The following NBPF6 variants were observed in gnomAD, a reference collection of about 807,000 sequenced individuals.
NBPF6 encodes NBPF family member NBPF6.
Under a neutral mutation model 20.8 loss-of-function variants are expected in NBPF6, and 2 were observed. That is an observed-to-expected ratio of 0.10 (90% CI 0.04 to 0.30). The LOEUF is 0.30. Among genes scored for constraint, NBPF6 ranks in the 10% least tolerant of loss-of-function variants. The pLI is 1.00. For synonymous variants in NBPF6, 24 were observed against 100.0 expected (o/e 0.24, Z 4.53); for missense variants, 85 against 260.3 (o/e 0.33, Z 4.63).
Position 108,465,320 on chromosome 1 carries a change from A to G in NBPF6, c.1556A>G (p.Asp519Gly), listed in dbSNP as rs1048822185. 8.7e-7 allele frequency: 1 copy of G among 1,146,048 alleles called. No homozygotes were observed. Among genetic ancestry groups the G allele is most frequent in the African/African-American group, 2.1e-5 (1 of 46,552 alleles). 71.0% of individuals were successfully genotyped at this position (1,146,048 alleles called of 1,614,324 possible). Residue 519 changes from aspartate (D) to glycine (G), a missense_variant, in exon 13 of 15, where the codon GAT becomes GGT. Asp to Gly is a moderately conservative substitution (Grantham distance 94). Transcript: ENST00000495380. Reference sequence around the variant, plus strand: ...CCCAGTTGTCTGCGACTACAGCTGGATCAAGGGTTCCACTGTGGGAACGGC... The same window carrying G: ...CCCAGTTGTCTGCGACTACAGCTGGGTCAAGGGTTCCACTGTGGGAACGGC... ...LVPSCLRLQL[D>G]QGFHCGNGLA...
upstream of NBPF6, among the ~76,000 whole-genome samples, chr1:108,449,416 CTATATATATATATA>C (rs1165819915): frequency 7.9e-4 from 7 of 8,844 alleles, 1 homozygote; most frequent in Non-Finnish European, 1.1e-3. Flanking sequence ...GTTAGAACAA[CTATATATATATATA>C]TATATATATA....
At chr1:108,453,006 GTGTATA>G (rs1447505896) in intron 3 of NBPF6, among the ~76,000 whole-genome samples, 169 bp from the exon 4 acceptor site, 1 of 62,748 alleles carries the variant, frequency 1.6e-5, no homozygotes, top group Admixed American at 1.4e-4. Flanking sequence ...GTGTGTGTGT[GTGTATA>G]TATATATATA....
chr1:108,465,146 GA>G (rs1316796990), intron 12 of NBPF6, 41 bp from the exon 13 acceptor site: 1 of 671,618 alleles, frequency 1.5e-6, no homozygotes, highest in African/African-American at 3.0e-5. Context: ...TTAACAAAGG[GA>G]AAACTGAGAT....
rs1232155771 is a variant in NBPF6, at chr1:108,471,333, T to G, written c.*695T>G. Among the ~76,000 whole-genome samples the G allele has an allele frequency of 6.6e-6, 1 of 152,154 alleles. No homozygotes were observed. Among genetic ancestry groups the G allele is most frequent in the Non-Finnish European group, 1.5e-5 (1 of 68,022 alleles). ...TCTGAAAATGTCGTCATGATTAAAT[T>G]CAGCCTAAACATTTTGCCAGGAACT... On this transcript the variant is annotated 3_prime_UTR_variant, in exon 15 of 15. Transcript: ENST00000495380.
At chr1:108,447,829 TCAGA>T (rs1321040827), upstream of NBPF6, among the ~76,000 whole-genome samples, 7 of 144,354 alleles carry the variant, frequency 4.8e-5, 1 homozygote, top group Non-Finnish European at 4.6e-5. Flanking sequence ...ACTGATGGGG[TCAGA>T]CAAAGATTAA....
intron 14 of NBPF6, among the ~76,000 whole-genome samples, chr1:108,467,910 G>C (rs1653230075): frequency 6.7e-6 from 1 of 150,054 alleles, no homozygotes; most frequent in South Asian, 2.1e-4. Context: ...CCCTCTCATG[G>C]CCACAGGAGA....
At chr1:108,447,880 T>C (rs1214774341), upstream of NBPF6, among the ~76,000 whole-genome samples, 3 of 147,288 alleles carry the variant, frequency 2.0e-5, no homozygotes, top group Non-Finnish European at 3.0e-5. Context: ...GAAACTCAAA[T>C]CAATAACTAA....
In NBPF6 at chr1:108,471,157, G is replaced by A. The variant is rs1653450020; in HGVS notation, c.*519G>A. On this transcript the variant is annotated 3_prime_UTR_variant, in exon 15 of 15. Coordinates refer to ENST00000495380, the MANE Select transcript of NBPF6 (RefSeq NM_001143988.2). The stretch of plus-strand genomic sequence containing the variant: ...AAGAGACATTTTGAGTTCAAAAAGA[G>A]TAAAAAGCCTATGCAGCTTATGCTT... Among the ~76,000 whole-genome samples the A allele has an allele frequency of 6.6e-6, 1 of 152,198 alleles. No individual in the cohort carries two copies.
In NBPF6 at chr1:108,471,775, T is replaced by C. The variant is rs573878163; in HGVS notation, c.*1137T>C. Among the ~76,000 whole-genome samples, 8 of 152,366 alleles carry C rather than the reference T, an allele frequency of 5.3e-5. No homozygotes were observed. Among genetic ancestry groups the C allele is most frequent in the African/African-American group, 1.7e-4 (7 of 41,590 alleles). On this transcript the variant is annotated 3_prime_UTR_variant, in exon 15 of 15. Coordinates refer to ENST00000495380, the MANE Select transcript of NBPF6 (RefSeq NM_001143988.2). ...AAAGTTAAAATGTTAAAGTTTTAAA[T>C]CACTTTAATTAAATTTTTTTGCCTA...
Position 108,470,651 on chromosome 1 carries a change from A to G in NBPF6, c.*13A>G, listed in dbSNP as rs1368640370. 24 of 1,555,922 alleles carry G rather than the reference A, an allele frequency of 1.5e-5. No individual in the cohort carries two copies. The highest frequency in any genetic ancestry group is 4.1e-5 in the African/African-American group (3 of 73,054). On this transcript the variant is annotated 3_prime_UTR_variant, in exon 15 of 15. Coordinates refer to ENST00000495380, the MANE Select transcript of NBPF6 (RefSeq NM_001143988.2). The stretch of plus-strand genomic sequence containing the variant: ...GATGATAGGATGAAAGAATGTCACA[A>G]AAAGCAGCTTTTCCACTTGATAAAA...
At chr1:108,447,585 GC>G (rs1652647703), upstream of NBPF6, among the ~76,000 whole-genome samples, 1 of 129,124 alleles carries the variant, frequency 7.7e-6, no homozygotes, top group Non-Finnish European at 1.7e-5. Flanking sequence ...CTTCCTTCCT[GC>G]CCTAGGACAT....
At chr1:108,467,687 A>G in intron 14 of NBPF6, 22 bp downstream of exon 14, 1 of 1,548,944 alleles carries the variant, frequency 6.5e-7, no homozygotes, top group Non-Finnish European at 8.7e-7. Context: ...TATGGCTGAT[A>G]GCTGCACTCA....
chr1:108,471,859 G>T lies in NBPF6; in HGVS notation c.*1221G>T, dbSNP rs1653493842. The stretch of plus-strand genomic sequence containing the variant: ...GTTTTAAGCTTTTATTTTATTATTG[G>T]TTTTCATGGATAAGAATATAGATTA... On this transcript the variant is annotated 3_prime_UTR_variant, in exon 15 of 15. Coordinates refer to ENST00000495380, the MANE Select transcript of NBPF6 (RefSeq NM_001143988.2). Among the ~76,000 whole-genome samples the T allele has an allele frequency of 6.6e-6, 1 of 151,906 alleles. No individual in the cohort carries two copies. Among genetic ancestry groups the T allele is most frequent in the South Asian group, 2.1e-4 (1 of 4,818 alleles).
At position 108,471,237 on chromosome 1, in the gene NBPF6, T is replaced by C. The variant is rs1212432645; in HGVS notation, c.*599T>C. ...CTTATCTTTTTGTTGTTGTCATCGA[T>C]GGTGGTGACATGGACTTGTTTGTGG... On this transcript the variant is annotated 3_prime_UTR_variant, in exon 15 of 15. Coordinates refer to ENST00000495380, the MANE Select transcript of NBPF6 (RefSeq NM_001143988.2). 6.6e-6 allele frequency among the ~76,000 whole-genome samples: 1 copy of C among 152,214 alleles called. No individual in the cohort carries two copies. Among genetic ancestry groups the C allele is most frequent in the East Asian group, 1.9e-4 (1 of 5,196 alleles).
chr1:108,469,257 G>A (rs1445180440), intron 14 of NBPF6, among the ~76,000 whole-genome samples: 1 of 151,524 alleles, frequency 6.6e-6, no homozygotes, highest in South Asian at 2.1e-4. Context: ...TACATATAGT[G>A]GAATTTAGTA....
chr1:108,446,247 A>G (rs1450586793), upstream of NBPF6, among the ~76,000 whole-genome samples: 5 of 28,978 alleles, frequency 1.7e-4, no homozygotes, highest in African/African-American at 2.9e-4. Context: ...ACAGTTATTT[A>G]AAGCTTTTAA....
Position 108,470,582 on chromosome 1 carries a change from C to T in NBPF6, c.1876-15C>T, listed in dbSNP as rs777227018. The T allele has an allele frequency of 1.5e-5, 23 of 1,545,924 alleles. No homozygotes were observed. The highest frequency in any genetic ancestry group is 2.8e-5 in the African/African-American group (2 of 72,550). On this transcript the variant is annotated splice_polypyrimidine_tract_variant and intron_variant, in intron 14 of 14. Coordinates refer to ENST00000495380, the MANE Select transcript of NBPF6 (RefSeq NM_001143988.2). ...AAAATGCTCATTTGATTTTTTTTCT[C>T]TCTCTCCCCTACAGATACCAAATAC...
intron 14 of NBPF6, among the ~76,000 whole-genome samples, chr1:108,467,892 T>C (rs907555247): frequency 2.0e-5 from 3 of 150,682 alleles, no homozygotes; most frequent in African/African-American, 7.4e-5. Context: ...TTCTACTGTC[T>C]TGAGAGTCCC....
rs879120993 is a variant in NBPF6, at chr1:108,470,541, T to C, written c.1876-56T>C. On this transcript the variant is annotated intron_variant, in intron 14 of 14. Coordinates refer to ENST00000495380, the MANE Select transcript of NBPF6 (RefSeq NM_001143988.2). The stretch of plus-strand genomic sequence containing the variant: ...TTAGCAATCCCTCCAGACTCAGCCA[T>C]CAGGTGGACCTGACAAAAATGCTCA... The C allele has an allele frequency of 3.2e-4, 405 of 1,261,102 alleles. 5 individuals are homozygous for C. The South Asian group carries it at 3.3e-3, about 10-fold the overall frequency. 78.1% of individuals were successfully genotyped at this position (1,261,102 alleles called of 1,614,324 possible). A position where few individuals can be genotyped will look rare whatever the true frequency, so the allele number is the denominator to read the frequency against.
Sources: gnomAD v4.1 joint callset for allele counts (sites outside exome capture counted in the v4.1 genomes callset) on GRCh38, gnomAD v4.1.1 for gene constraint, MANE v1.5 for transcripts, NCBI Gene and HGNC (gene_info 2026-07-23, HGNC 2026-07-21) for gene names.